MRPS6: variants seen among roughly 807,000 people sequenced by gnomAD.
MRPS6 encodes the protein mitochondrial ribosomal protein S6.
MRPS6 carries 6 observed loss-of-function variants against 13.1 expected under a neutral mutation model. That is an observed-to-expected ratio of 0.46 (90% CI 0.25 to 0.91). MRPS6 has a LOEUF of 0.91. Among genes scored for constraint, MRPS6 ranks in the 40% least tolerant of loss-of-function variants. The pLI is 0.18. For missense variants in MRPS6, 164 were observed against 155.6 expected (o/e 1.05, Z -0.29); for synonymous variants, 61 against 56.5 (o/e 1.08, Z -0.36).
intron 2 of MRPS6, chr21:34,135,346 GTTTT>G (rs747809642): frequency 0.04 from 5,892 of 146,882 alleles, 258 homozygotes; most frequent in African/African-American, 0.19. Flanking sequence ...ATGAGAGCCG[GTTTT>G]TTTTTTTTTT....
chr21:34,105,283 CTG>C, intron 1 of MRPS6: 1 of 999,988 alleles, frequency 1.0e-6, no homozygotes, highest in Non-Finnish European at 1.2e-6. Context: ...CATGTATGAA[CTG>C]TGTTATACTT....
chr21:34,131,615 G>A (rs186645284), intron 2 of MRPS6, among the ~76,000 whole-genome samples: 50 of 152,170 alleles, frequency 3.3e-4, no homozygotes, highest in African/African-American at 8.7e-4. Flanking sequence ...AGGGATCCTC[G>A]CAGGCATCAA....
At chr21:34,116,972 T>C (rs1979942721) in intron 1 of MRPS6, among the ~76,000 whole-genome samples, 7 of 152,180 alleles carry the variant, frequency 4.6e-5, no homozygotes, top group Admixed American at 4.6e-4. Context: ...CTGCAGAACC[T>C]TCCGACCTTT....
At chr21:34,105,228 T>C (rs778031304) in intron 1 of MRPS6, 67 of 1,000,316 alleles carry the variant, frequency 6.7e-5, no homozygotes, top group South Asian at 2.3e-4. Context: ...ACCCGTTCTT[T>C]GCTTGGACAT....
intron 1 of MRPS6, among the ~76,000 whole-genome samples, chr21:34,075,215 T>C (rs1989298620): frequency 6.6e-6 from 1 of 152,216 alleles, no homozygotes; most frequent in Admixed American, 6.5e-5. Flanking sequence ...GAAATTCCTT[T>C]TGTTTACTTT....
At position 34,083,815 on chromosome 21, in the gene MRPS6, T is replaced by G. The variant is rs1783288; in HGVS notation, c.45+10070T>G. 2.0e-5 allele frequency among the ~76,000 whole-genome samples: 3 copies of G among 152,078 alleles called. No individual in the cohort carries two copies. In the East Asian group the frequency reaches 5.8e-4, roughly 29 times the overall value. On this transcript the variant is annotated intron_variant, in intron 1 of 2. Transcript: ENST00000399312. ...GCAAATTTTGTGTGTGTAAGAAGAT[T>G]GAAGAAAACATTTTTCCTAATGTCA...
intron 1 of MRPS6, chr21:34,101,376 A>G (rs1325617517): frequency 1.0e-6 from 1 of 1,000,068 alleles, no homozygotes; most frequent in African/African-American, 1.7e-5. Context: ...GTTTGTTACC[A>G]CAGTAGAGAT....
chr21:34,102,298 T>A (rs1979275859), intron 1 of MRPS6: 1 of 999,114 alleles, frequency 1.0e-6, no homozygotes, highest in African/African-American at 1.7e-5. Flanking sequence ...TTTAAACTTC[T>A]CTCTCTTCAA....
intron 1 of MRPS6, chr21:34,097,589 A>C (rs780359814): frequency 4.7e-5 from 59 of 1,267,358 alleles, no homozygotes; most frequent in African/African-American, 1.1e-4. Context: ...ATGTGGTTTT[A>C]AATTTTGCAT....
chr21:34,114,200 G>C (rs1206790857), intron 1 of MRPS6, among the ~76,000 whole-genome samples: 1 of 152,176 alleles, frequency 6.6e-6, no homozygotes, highest in Non-Finnish European at 1.5e-5. Flanking sequence ...AGAATAGCAA[G>C]TAGGGTACCT....
Position 34,096,671 on chromosome 21 carries a change from C to T in MRPS6, c.45+22926C>T. On this transcript the variant is annotated intron_variant, in intron 1 of 2. Coordinates refer to ENST00000399312, the MANE Select transcript of MRPS6 (RefSeq NM_032476.4). The surrounding 1 kb of genome is among the most constrained non-coding windows in gnomAD (Gnocchi z 5.9). ...TCCGTTTGATACTGGCCTTTGCCTA[C>T]CGTGCCCCAGAATGTGACCAACCTG... 1 of 1,614,156 alleles carries T rather than the reference C, an allele frequency of 6.2e-7. No individual in the cohort carries two copies.
chr21:34,095,278 C>T, intron 1 of MRPS6: 1 of 1,613,958 alleles, frequency 6.2e-7, no homozygotes, highest in Non-Finnish European at 8.5e-7. Context: ...GGTTTTTTTG[C>T]CATGTGGAAA....
chr21:34,097,130 A>C (rs1488482948), intron 1 of MRPS6: 4 of 1,613,892 alleles, frequency 2.5e-6, no homozygotes, highest in Non-Finnish European at 3.4e-6. Flanking sequence ...AGAAAGAGAG[A>C]AAGAAAGAAA....
At chr21:34,083,735 G>C (rs1393856504) in intron 1 of MRPS6, among the ~76,000 whole-genome samples, 2 of 152,184 alleles carry the variant, frequency 1.3e-5, no homozygotes, top group African/African-American at 2.4e-5. Flanking sequence ...TAGCACTGTT[G>C]GTCTCATGGG....
intron 2 of MRPS6, among the ~76,000 whole-genome samples, chr21:34,139,199 G>T (rs565060104): frequency 6.9e-4 from 73 of 105,788 alleles, no homozygotes; most frequent in Non-Finnish European, 2.7e-4. Flanking sequence ...GGTGGGGGGA[G>T]GGGGGAGGGA....
At chr21:34,118,589 G>A (rs11910663) in intron 1 of MRPS6, among the ~76,000 whole-genome samples, 6 of 142,200 alleles carry the variant, frequency 4.2e-5, no homozygotes, top group African/African-American at 1.6e-4. Context: ...CAGAGTCTCA[G>A]CTCACTACAA....
At chr21:34,086,838 A>AG (rs34299377) in intron 1 of MRPS6, among the ~76,000 whole-genome samples, 152,258 of 152,260 alleles carry the variant, frequency 1, 76,128 homozygotes, top group Middle Eastern at 1. Context: ...GTGGAAGAGG[A>AG]TTCTTCATGA....
intron 1 of MRPS6, among the ~76,000 whole-genome samples, chr21:34,113,410 C>G (rs1478182922): frequency 1.3e-5 from 2 of 152,128 alleles, no homozygotes; most frequent in African/African-American, 4.8e-5. Context: ...AAATCCTGTG[C>G]AACAACATGG....
chr21:34,090,009 T>A (rs114873913), intron 1 of MRPS6, among the ~76,000 whole-genome samples: 1,750 of 152,320 alleles, frequency 0.011, 38 homozygotes, highest in South Asian at 0.081. Flanking sequence ...GAGCATCCCA[T>A]ATCTGAACAT....
Sources: allele counts gnomAD v4.1 joint callset (sites outside exome capture counted in the v4.1 genomes callset), GRCh38; gene constraint gnomAD v4.1.1; non-coding constraint Gnocchi (gnomAD v3.1); transcripts MANE v1.5; gene names NCBI Gene and HGNC (gene_info 2026-07-23, HGNC 2026-07-21).